POLR2F: variants seen among roughly 807,000 people sequenced by gnomAD.
POLR2F encodes the protein DNA-directed RNA polymerases I, II, and III subunit RPABC2.
POLR2F carries 12 observed loss-of-function variants against 22.7 expected under a neutral mutation model. That is an observed-to-expected ratio of 0.53 (90% CI 0.34 to 0.86). The LOEUF is 0.86. POLR2F is among the 40% of genes least tolerant of loss of function. The pLI is 0.02. For missense variants in POLR2F, 126 were observed against 171.5 expected, an observed-to-expected ratio of 0.73 and a Z score of 1.48; for synonymous variants, 57 against 66.0, an observed-to-expected ratio of 0.86 and a Z score of 0.66.
At chr22:37,986,105 ACGG>A (rs1198173308), upstream of POLR2F, 33 of 1,468,482 alleles carry the variant, frequency 2.2e-5, no homozygotes, top group South Asian at 1.3e-5. The surrounding 1 kb of genome is among the most constrained non-coding windows in gnomAD (Gnocchi z 4.7). Flanking sequence ...ATACAGGTGA[ACGG>A]CAATCATGTG....
chr22:38,025,772 G>T, intron 1 of POLR2F: 1 of 1,552,134 alleles, frequency 6.4e-7, no homozygotes, highest in South Asian at 1.3e-5. Flanking sequence ...ACAGGATCCA[G>T]GGCACTCAAT....
chr22:37,986,467 G>T lies in POLR2F; in HGVS notation c.120+155G>T. ...GCCCAGAGTTAGGAGGTGGAATGTGGGGTCCCACAGCTGCCCCCTCTCTAA... is the reference window on the plus strand; with the variant it reads ...GCCCAGAGTTAGGAGGTGGAATGTGTGGTCCCACAGCTGCCCCCTCTCTAA... On this transcript the variant is annotated intron_variant, in intron 1 of 2. Coordinates refer to the POLR2F transcript ENST00000333418. The surrounding 1 kb of genome is among the most constrained non-coding windows in gnomAD (Gnocchi z 4.7). The T allele has an allele frequency of 8.1e-6, 12 of 1,482,934 alleles. No individual in the cohort carries two copies. Among genetic ancestry groups the T allele is most frequent in the Non-Finnish European group, 1.1e-5 (12 of 1,100,056 alleles). 91.9% of individuals were successfully genotyped at this position (1,482,934 alleles called of 1,614,324 possible).
chr22:38,034,490 A>G (rs548731595), intron 5 of POLR2F, among the ~76,000 whole-genome samples: 64 of 152,330 alleles, frequency 4.2e-4, no homozygotes, highest in African/African-American at 1.5e-3. Context: ...GACCTCCTGC[A>G]CCAGCTCTAA....
intron 1 of POLR2F, among the ~76,000 whole-genome samples, chr22:38,023,650 C>T (rs142205102): frequency 3.2e-4 from 49 of 152,060 alleles, no homozygotes; most frequent in Non-Finnish European, 5.6e-4. Flanking sequence ...CTGGAGATCC[C>T]CATTCTTCTG....
chr22:37,957,456 G>A (rs894032855), intron 2 of POLR2F, among the ~76,000 whole-genome samples: 5 of 152,148 alleles, frequency 3.3e-5, no homozygotes, highest in South Asian at 2.1e-4. Context: ...TGACGAGGAC[G>A]ACTCTCAGGT....
At chr22:37,996,887 G>A (rs1472460227) in intron 1 of POLR2F, among the ~76,000 whole-genome samples, 2 of 152,164 alleles carry the variant, frequency 1.3e-5, no homozygotes, top group African/African-American at 4.8e-5. Flanking sequence ...TCTCCGCTGC[G>A]ATTACGACGC....
intron 5 of POLR2F, among the ~76,000 whole-genome samples, chr22:38,037,616 G>A (rs1221087548): frequency 1.4e-5 from 2 of 147,200 alleles, no homozygotes; most frequent in East Asian, 4.0e-4. Flanking sequence ...TTTTTGAGAC[G>A]GAGTCTCCCT....
intron 1 of POLR2F, among the ~76,000 whole-genome samples, chr22:38,002,879 C>T (rs553969659): frequency 2.0e-5 from 3 of 151,978 alleles, no homozygotes; most frequent in Non-Finnish European, 4.4e-5. Flanking sequence ...GCACCTGCCA[C>T]CAGGCCCAGC....
chr22:38,009,102 A>C (rs910107669), intron 1 of POLR2F, among the ~76,000 whole-genome samples: 1 of 152,200 alleles, frequency 6.6e-6, no homozygotes, highest in African/African-American at 2.4e-5. Flanking sequence ...TCCAGGTGGG[A>C]GCGTGGCCGG....
chr22:38,017,776 C>A lies in POLR2F; in HGVS notation c.121-8093C>A, dbSNP rs1387504576. Among the ~76,000 whole-genome samples the A allele has an allele frequency of 6.6e-6, 1 of 152,218 alleles. No individual in the cohort carries two copies. Among genetic ancestry groups the A allele is most frequent in the East Asian group, 1.9e-4 (1 of 5,194 alleles). Reference sequence around the variant, plus strand: ...GAGCTCACTCCTCACATGGCTTGCTCTGTCCTTGCCCAGCCCAGGCGTTTG... The same window carrying A: ...GAGCTCACTCCTCACATGGCTTGCTATGTCCTTGCCCAGCCCAGGCGTTTG... On this transcript the variant is annotated intron_variant, in intron 1 of 2. Transcript: ENST00000333418. This position sits in a 1 kb window ranked among gnomAD's most constrained non-coding sequence, Gnocchi z 4.1.
At position 37,974,382 on chromosome 22, in the gene POLR2F, C is replaced by T. The variant is rs1391320438; in HGVS notation, c.293+7212C>T. Among the ~76,000 whole-genome samples the T allele has an allele frequency of 7.0e-6, 1 of 143,134 alleles. No individual in the cohort carries two copies. Among genetic ancestry groups the T allele is most frequent in the African/African-American group, 2.7e-5 (1 of 36,764 alleles). 93.9% of individuals were successfully genotyped at this position (143,134 alleles called of 152,430 possible). ...GTTTTTTTTTTTTGAGATGGAGTTTCGCTCTTGTTGCCCAGACTGGAGTGC... is the reference window on the plus strand; with the variant it reads ...GTTTTTTTTTTTTGAGATGGAGTTTTGCTCTTGTTGCCCAGACTGGAGTGC... On this transcript the variant is annotated intron_variant, in intron 4 of 4. Transcript: ENST00000405557. This position sits in a 1 kb window ranked among gnomAD's most constrained non-coding sequence, Gnocchi z 5.4.
At chr22:38,041,228 C>A, downstream of POLR2F, 2 of 1,460,440 alleles carry the variant, frequency 1.4e-6, no homozygotes, top group South Asian at 1.2e-5. Flanking sequence ...ACGGTCTAGA[C>A]TGATGGACCA....
downstream of POLR2F, chr22:38,041,740 G>C (rs1288965564): frequency 5.9e-5 from 9 of 152,640 alleles, no homozygotes; most frequent in African/African-American, 2.2e-4. Context: ...GGCTGGGAAG[G>C]ATCATGGCTA....
chr22:38,040,789 G>C (rs1569187819), intron 5 of POLR2F: 1 of 492,992 alleles, frequency 2.0e-6, no homozygotes, highest in Non-Finnish European at 3.6e-6. Flanking sequence ...TGGTGGGCAT[G>C]TTGTGATGGT....
At chr22:38,015,638 A>G (rs899524269) in intron 1 of POLR2F, among the ~76,000 whole-genome samples, 1 of 152,136 alleles carries the variant, frequency 6.6e-6, no homozygotes, top group South Asian at 2.1e-4. Context: ...AAATGCAGCT[A>G]TGTGACCTGA....
chr22:38,019,426 C>T (rs1327313048), intron 1 of POLR2F, among the ~76,000 whole-genome samples: 1 of 152,172 alleles, frequency 6.6e-6, no homozygotes, highest in Non-Finnish European at 1.5e-5. Context: ...TGGAGCAGTC[C>T]GTGGCCTCAC....
downstream of POLR2F, among the ~76,000 whole-genome samples, chr22:38,028,600 A>G (rs35496925): frequency 0.037 from 5,603 of 152,042 alleles, 138 homozygotes; most frequent in Non-Finnish European, 0.054. Flanking sequence ...GTGTGTGCCT[A>G]TGTGTATGCA....
rs111654773 is a variant in POLR2F at position 37,974,414 on chromosome 22, G to A, written c.293+7244G>A. On this transcript the variant is annotated intron_variant, in intron 4 of 4. Transcript: ENST00000405557. This position sits in a 1 kb window ranked among gnomAD's most constrained non-coding sequence, Gnocchi z 5.4. ...GTTGCCCAGACTGGAGTGCAGTGGC[G>A]CCATCTCGGCTCACTGCAACCTCTG... 0.04 allele frequency among the ~76,000 whole-genome samples: 6,021 copies of A among 151,020 alleles called. 404 individuals are homozygous for A. The highest frequency in any genetic ancestry group is 0.14 in the African/African-American group (5,726 of 40,818).
intron 1 of POLR2F, among the ~76,000 whole-genome samples, chr22:38,025,340 TAC>T (rs1215491603): frequency 6.6e-6 from 1 of 151,920 alleles, no homozygotes; most frequent in Non-Finnish European, 1.5e-5. Context: ...CATGCAATTA[TAC>T]ACACAATCAC....
Sources: allele counts gnomAD v4.1 joint callset (sites outside exome capture counted in the v4.1 genomes callset), GRCh38; gene constraint gnomAD v4.1.1; non-coding constraint Gnocchi (gnomAD v3.1); transcripts MANE v1.5; gene names NCBI Gene and HGNC (gene_info 2026-07-23, HGNC 2026-07-21).